The following PAQR4 variants were observed in gnomAD, a reference collection of about 807,000 sequenced individuals.
PAQR4 encodes the protein progestin and adipoQ receptor family member IV.
PAQR4 carries 26 observed loss-of-function variants against 20.9 expected under a neutral mutation model. The observed-to-expected ratio is 1.24, with a 90% CI of 0.91 to 1.73. PAQR4 has a LOEUF of 1.73. Among genes scored for constraint, PAQR4 ranks in the 40% most tolerant of loss-of-function variants. The pLI is 0.00. For synonymous variants in PAQR4, 193 were observed against 171.6 expected (o/e 1.12, Z -0.97); for missense variants, 400 against 380.1 (o/e 1.05, Z -0.44).
In PAQR4 at chr16:2,969,751, T is replaced by C. The variant is rs757331069; in HGVS notation, c.77T>C (p.Leu26Pro). 1.2e-6 allele frequency: 2 copies of C among 1,610,850 alleles called. No individual in the cohort carries two copies. The highest frequency in any genetic ancestry group is 2.7e-5 in the African/African-American group (2 of 74,770). The change falls in exon 1 of 3, where the codon CTG becomes CCG. Residue 26 changes from leucine (L) to proline (P), a missense_variant. Transcript: ENST00000318782. ...PPHLQFNKFVLTGYRPASSGS... is the reference protein window; with the variant it reads ...PPHLQFNKFVPTGYRPASSGS... ...CACCTGCAGTTCAATAAGTTCGTGCTGACCGGGTACCGGCCCGCCAGCAGC... is the reference window on the plus strand; with the variant it reads ...CACCTGCAGTTCAATAAGTTCGTGCCGACCGGGTACCGGCCCGCCAGCAGC...
Position 2,973,408 on chromosome 16 carries a change from A to G in PAQR4, c.*1460A>G, listed in dbSNP as rs1293098361. ...CTTCAAAGTCCTTCCATCTGGCTGC[A>G]CTCCAAGGCCCCCTCTGTCCTTTTC... On this transcript the variant is annotated 3_prime_UTR_variant, in exon 3 of 3. Coordinates refer to ENST00000318782, the MANE Select transcript of PAQR4 (RefSeq NM_152341.5). The G allele has an allele frequency of 6.5e-7, 1 of 1,534,978 alleles. No homozygotes were observed. The highest frequency in any genetic ancestry group is 2.0e-5 in the Admixed American group (1 of 50,872).
chr16:2,969,734 G>C lies in PAQR4; in HGVS notation c.60G>C (p.Gln20His), dbSNP rs752433448. ...LDWASSPPHLQFNKFVLTGYR... is the reference protein window; with the variant it reads ...LDWASSPPHLHFNKFVLTGYR... ...GGGCCAGCTCGCCGCCGCACCTGCA[G>C]TTCAATAAGTTCGTGCTGACCGGGT... The change falls in exon 1 of 3, where the codon CAG becomes CAC. Residue 20 changes from glutamine to histidine, a missense_variant. Transcript: ENST00000318782. 6.2e-6 allele frequency: 10 copies of C among 1,609,328 alleles called. No individual in the cohort carries two copies. The highest frequency in any genetic ancestry group is 3.4e-6 in the Non-Finnish European group (4 of 1,178,540).
At chr16:2,969,922 G>A in intron 1 of PAQR4, 82 bp downstream of exon 1, 1 of 1,559,504 alleles carries the variant, frequency 6.4e-7, no homozygotes, top group Non-Finnish European at 8.7e-7. Flanking sequence ...GCCGAGGAGG[G>A]CCCCAGCGCC....
At chr16:2,970,084 C>T (rs547371655) in intron 1 of PAQR4, 1 of 521,016 alleles carries the variant, frequency 1.9e-6, no homozygotes, top group Non-Finnish European at 3.4e-6. Flanking sequence ...CTGCTTAATC[C>T]CTCTGAGCCC....
At position 2,972,538 on chromosome 16, in the gene PAQR4, T is replaced by G; in HGVS notation, c.*590T>G. The G allele has an allele frequency of 7.3e-7, 1 of 1,374,842 alleles. No homozygotes were observed. 85.2% of individuals were successfully genotyped at this position (1,374,842 alleles called of 1,614,324 possible). Reference sequence around the variant, plus strand: ...GCTGCAGCTGCTTCTTCCAGGAAACTGACACAGGGAGCTCAGCGGCCTCAG... The same window carrying G: ...GCTGCAGCTGCTTCTTCCAGGAAACGGACACAGGGAGCTCAGCGGCCTCAG... On this transcript the variant is annotated 3_prime_UTR_variant, in exon 3 of 3. Coordinates refer to ENST00000318782, the MANE Select transcript of PAQR4 (RefSeq NM_152341.5).
In PAQR4 at chr16:2,971,381, G is replaced by T; in HGVS notation, c.388+3G>T. ...GGTCTGCCTTGTCAACACCCTTGGT[G>T]AGTCAGGGCCCAAGGGATGGGAGCT... On this transcript the variant is annotated splice_donor_region_variant and intron_variant, in intron 2 of 2. Coordinates refer to ENST00000318782, the MANE Select transcript of PAQR4 (RefSeq NM_152341.5). 1 of 1,606,728 alleles carries T rather than the reference G, an allele frequency of 6.2e-7. No individual in the cohort carries two copies. The highest frequency in any genetic ancestry group is 1.3e-5 in the African/African-American group (1 of 75,050).
At position 2,969,531 on chromosome 16, in the gene PAQR4, A is replaced by G. The variant is rs1358479240; in HGVS notation, c.-144A>G. 3 of 915,264 alleles carry G rather than the reference A, an allele frequency of 3.3e-6. No homozygotes were observed. Among genetic ancestry groups the G allele is most frequent in the Non-Finnish European group, 1.5e-6 (1 of 686,414 alleles). 56.7% of individuals were successfully genotyped at this position (915,264 alleles called of 1,614,324 possible). On this transcript the variant is annotated 5_prime_UTR_variant, in exon 1 of 3. Transcript: ENST00000318782. Reference sequence around the variant, plus strand: ...GGGCGCGGGCTGGGACCCCCTAGCCAGCGCGTGCGCCGATCGAGCGCAGGG... The same window carrying G: ...GGGCGCGGGCTGGGACCCCCTAGCCGGCGCGTGCGCCGATCGAGCGCAGGG...
At position 2,972,037 on chromosome 16, in the gene PAQR4, G is replaced by GCA; in HGVS notation, c.*89_*90insCA. 1.5e-6 allele frequency: 2 copies of GCA among 1,296,802 alleles called. No homozygotes were observed. The highest frequency in any genetic ancestry group is 2.1e-6 in the Non-Finnish European group (2 of 965,068). The allele number at this position is 1,296,802 out of a possible 1,614,324, so 80.3% of individuals were successfully genotyped here. On this transcript the variant is annotated 3_prime_UTR_variant, in exon 3 of 3. Coordinates refer to ENST00000318782, the MANE Select transcript of PAQR4 (RefSeq NM_152341.5). ...CTCGTCTGCAAGGGGCTGGCTCCTTGGATGCTTCCAGCTCATGAGATGTCT... is the reference window on the plus strand; with the variant it reads ...CTCGTCTGCAAGGGGCTGGCTCCTTGCAGATGCTTCCAGCTCATGAGATGTCT...
Position 2,973,149 on chromosome 16 carries a change from C to T in PAQR4, c.*1201C>T, listed in dbSNP as rs147308002. 205 of 1,546,176 alleles carry T rather than the reference C, an allele frequency of 1.3e-4. No homozygotes were observed. The highest frequency in any genetic ancestry group is 1.7e-4 in the Non-Finnish European group (197 of 1,140,114). ...CTGGACCTGCTTACCTGGGTGTGCACCTGCTCCGGGGGGTGGAGGTGCTCC... is the reference window on the plus strand; with the variant it reads ...CTGGACCTGCTTACCTGGGTGTGCATCTGCTCCGGGGGGTGGAGGTGCTCC... On this transcript the variant is annotated 3_prime_UTR_variant, in exon 3 of 3. Coordinates refer to ENST00000318782, the MANE Select transcript of PAQR4 (RefSeq NM_152341.5).
chr16:2,972,773 G>A lies in PAQR4; in HGVS notation c.*825G>A, dbSNP rs919837010. The A allele has an allele frequency of 1.3e-5, 20 of 1,539,548 alleles. No homozygotes were observed. Among genetic ancestry groups the A allele is most frequent in the Non-Finnish European group, 1.7e-5 (20 of 1,145,572 alleles). On this transcript the variant is annotated 3_prime_UTR_variant, in exon 3 of 3. Coordinates refer to ENST00000318782, the MANE Select transcript of PAQR4 (RefSeq NM_152341.5). ...TAAGACCCTGGATGACATCAATAAA[G>A]GGACAGGAAGGGCCATGTTGCCACA...
In PAQR4 at chr16:2,971,561, G is replaced by A. The variant is rs532167769; in HGVS notation, c.435G>A (p.Leu145=). 21 of 1,596,478 alleles carry A rather than the reference G, an allele frequency of 1.3e-5. No homozygotes were observed. The African/African-American group carries it at 1.9e-4, about 14-fold the overall frequency. Residue 145 remains leucine (L), a synonymous_variant, in exon 3 of 3, where the codon CTG becomes CTA. Transcript: ENST00000318782. Reference sequence around the variant, plus strand: ...GCACCCTGGCCTGCAGGCCCTGGCTGCGCCCGGCTGCCCTGGTGGGCTACA... The same window carrying A: ...GCACCCTGGCCTGCAGGCCCTGGCTACGCCCGGCTGCCCTGGTGGGCTACA... ...IHCTLACRPW[L]RPAALVGYTV...
At position 2,973,122 on chromosome 16, in the gene PAQR4, C is replaced by A; in HGVS notation, c.*1174C>A. ...AAAAGCTAGCCCTGCCCACCCCAGC[C>A]CCTGGACCTGCTTACCTGGGTGTGC... On this transcript the variant is annotated 3_prime_UTR_variant, in exon 3 of 3. Coordinates refer to ENST00000318782, the MANE Select transcript of PAQR4 (RefSeq NM_152341.5). 11 of 1,558,614 alleles carry A rather than the reference C, an allele frequency of 7.1e-6. No individual in the cohort carries two copies. The highest frequency in any genetic ancestry group is 9.6e-6 in the Non-Finnish European group (11 of 1,147,680).
intron 1 of PAQR4, 81 bp from the exon 2 acceptor site, chr16:2,971,076 C>CT: frequency 7.2e-7 from 1 of 1,392,060 alleles, no homozygotes; most frequent in Admixed American, 1.7e-5. Flanking sequence ...CTGTCTTGCC[C>CT]TGTCCTGTGT....
In PAQR4 at chr16:2,969,798, C is replaced by T; in HGVS notation, c.124C>T (p.Leu42Phe). The T allele has an allele frequency of 1.9e-6, 3 of 1,610,548 alleles. No homozygotes were observed. Among genetic ancestry groups the T allele is most frequent in the East Asian group, 2.2e-5 (1 of 44,656 alleles). ...ASSGSGCLRS[L>F]FYLHNELGNI... Reference sequence around the variant, plus strand: ...CAGCGGCTCGGGCTGCCTGCGCAGCCTCTTCTACCTGCACAACGAACTGGG... The same window carrying T: ...CAGCGGCTCGGGCTGCCTGCGCAGCTTCTTCTACCTGCACAACGAACTGGG... The change falls in exon 1 of 3, where the codon CTC becomes TTC. Residue 42 changes from leucine (L) to phenylalanine (F), a missense_variant. Physicochemically the swap from Leu to Phe is conservative, Grantham distance 22. Transcript: ENST00000318782.
At chr16:2,969,972 C>CTG in intron 1 of PAQR4, 132 bp downstream of exon 1, 1 of 1,217,592 alleles carries the variant, frequency 8.2e-7, no homozygotes, top group Non-Finnish European at 1.1e-6. Flanking sequence ...CGCCAGTAGC[C>CTG]GCGGTGACAA....
rs761627213 is a variant in PAQR4, at chr16:2,971,194, G to A, written c.204G>A (p.Met68Ile). 7.4e-6 allele frequency: 12 copies of A among 1,613,442 alleles called. No individual in the cohort carries two copies. In the South Asian group the frequency reaches 1.3e-4, roughly 18 times the overall value. Residue 68 changes from methionine to isoleucine, a missense_variant, in exon 2 of 3, where the codon ATG becomes ATA. Coordinates refer to ENST00000318782, the MANE Select transcript of PAQR4 (RefSeq NM_152341.5). ...TGGGCTTCCTGGTGCTGGTGCCAAT[G>A]ACCATGCCCTGGGGTCAGCTGGGCA... ...ALLGFLVLVP[M>I]TMPWGQLGKD...
rs1291370864 is a variant in PAQR4, at chr16:2,969,763, G to C, written c.89G>C (p.Arg30Pro). 1 of 1,610,848 alleles carries C rather than the reference G, an allele frequency of 6.2e-7. No individual in the cohort carries two copies. Among genetic ancestry groups the C allele is most frequent in the East Asian group, 2.2e-5 (1 of 44,678 alleles). The part of the protein sequence containing the change: ...QFNKFVLTGY[R>P]PASSGSGCLR... ...AATAAGTTCGTGCTGACCGGGTACC[G>C]GCCCGCCAGCAGCGGCTCGGGCTGC... The change falls in exon 1 of 3, where the codon CGG becomes CCG. Residue 30 changes from arginine to proline, a missense_variant. Transcript: ENST00000318782.
intron 1 of PAQR4, 87 bp from the exon 2 acceptor site, chr16:2,971,070 C>A: frequency 7.4e-7 from 1 of 1,342,774 alleles, no homozygotes; most frequent in Non-Finnish European, 1.0e-6. Context: ...CTGGACCTGT[C>A]TTGCCCTGTC....
rs912109239 is a variant in PAQR4 at position 2,972,282 on chromosome 16, T to C, written c.*334T>C. 1 of 494,988 alleles carries C rather than the reference T, an allele frequency of 2.0e-6. No homozygotes were observed. The highest frequency in any genetic ancestry group is 3.3e-5 in the East Asian group (1 of 30,454). The allele number at this position is 494,988 out of a possible 1,614,324, so 30.7% of individuals were successfully genotyped here. On this transcript the variant is annotated 3_prime_UTR_variant, in exon 3 of 3. Coordinates refer to ENST00000318782, the MANE Select transcript of PAQR4 (RefSeq NM_152341.5). ...TCACGTCTTGCTCTGAGAGTTCAAG[T>C]CCTGCCAGGCCGCCAGCCCAGAGCC...
Sources: gnomAD v4.1 joint callset for allele counts on GRCh38, gnomAD v4.1.1 for gene constraint, MANE v1.5 for transcripts, NCBI Gene and HGNC (gene_info 2026-07-23, HGNC 2026-07-21) for gene names.